The following ABCA13 variants were observed in gnomAD, a reference collection of about 807,000 sequenced individuals.
ABCA13 encodes ATP-binding cassette sub-family A member 13.
A neutral mutation model predicts 478.7 loss-of-function variants in ABCA13; 476 were observed. That is an observed-to-expected ratio of 0.99 (90% CI 0.92 to 1.07). The LOEUF is 1.07. Ranked by LOEUF, ABCA13 falls within the 50% of genes least tolerant of loss-of-function variation. The probability of loss-of-function intolerance (pLI) is 0.00; values close to 1 mark genes in which losing one functional copy is unlikely to be tolerated. For missense variants in ABCA13, 6,060 were observed against 5,910.6 expected, an observed-to-expected ratio of 1.03 and a Z score of -0.83; for synonymous variants, 2,252 against 2,158.9, an observed-to-expected ratio of 1.04 and a Z score of -1.20.
chr7:48,234,301 A>T, intron 8 of ABCA13, 150 bp downstream of exon 8: 1 of 954,992 alleles, frequency 1.0e-6, no homozygotes, highest in East Asian at 2.4e-5. Context: ...CGCAGAAGAG[A>T]CCCCTACTGT....
At chr7:48,215,413 A>C (rs1483149050) in intron 3 of ABCA13, among the ~76,000 whole-genome samples, 2 of 152,184 alleles carry the variant, frequency 1.3e-5, no homozygotes, top group Admixed American at 6.6e-5. Flanking sequence ...AAGATCACTG[A>C]TTACAGAACA....
intron 57 of ABCA13, among the ~76,000 whole-genome samples, chr7:48,589,826 AG>A (rs1789545953): frequency 6.6e-6 from 1 of 152,198 alleles, no homozygotes; most frequent in African/African-American, 2.4e-5. Context: ...TGTCATCACA[AG>A]GCAAAAGTCA....
chr7:48,466,705 A>T (rs2130160143), intron 43 of ABCA13, among the ~76,000 whole-genome samples: 1 of 152,338 alleles, frequency 6.6e-6, no homozygotes, highest in East Asian at 1.9e-4. Context: ...AAAATAATGT[A>T]CTGTGAATGT....
chr7:48,373,416 T>C (rs1315793525), intron 33 of ABCA13, among the ~76,000 whole-genome samples: 1 of 152,208 alleles, frequency 6.6e-6, no homozygotes, highest in East Asian at 1.9e-4. Context: ...AAGTGATTTG[T>C]CTTCAACTTC....
At chr7:48,202,064 C>T (rs998216725) in intron 3 of ABCA13, among the ~76,000 whole-genome samples, 2 of 152,142 alleles carry the variant, frequency 1.3e-5, no homozygotes, top group African/African-American at 2.4e-5. Flanking sequence ...CAGACCTTTG[C>T]GGTGACTGTT....
rs138854418 is a variant in ABCA13 at position 48,603,641 on chromosome 7, T to C, written c.14744+8828T>C. 1,127 of 171,630 alleles carry C rather than the reference T, an allele frequency of 6.6e-3. 15 individuals carry two copies. The highest frequency in any genetic ancestry group is 0.025 in the African/African-American group (1,046 of 41,858). 10.6% of individuals were successfully genotyped at this position (171,630 alleles called of 1,614,324 possible). ...CTGGATTCAGTTTGTCAGTATTTTA[T>C]TGAGGATTTTCGCATCAATGTTTAT... is the stretch of plus-strand genomic sequence containing the variant. On this transcript the variant is annotated intron_variant, in intron 58 of 61. Transcript: ENST00000435803.
intron 58 of ABCA13, among the ~76,000 whole-genome samples, chr7:48,595,465 T>C (rs1014923634): frequency 6.6e-6 from 1 of 152,232 alleles, no homozygotes; most frequent in Non-Finnish European, 1.5e-5. Context: ...TAAAATATAC[T>C]GTGAATAAGA....
intron 19 of ABCA13, 70 bp from the exon 20 acceptor site, chr7:48,287,890 A>G: frequency 8.5e-7 from 1 of 1,181,700 alleles, no homozygotes; most frequent in Non-Finnish European, 1.2e-6. Context: ...TTAAAAAGTG[A>G]TTTTGTGAGA....
At chr7:48,239,134 G>A in intron 8 of ABCA13, 107 bp from the exon 9 acceptor site, 1 of 1,170,674 alleles carries the variant, frequency 8.5e-7, no homozygotes. Context: ...CTTCAATCAA[G>A]CAAATGTAAG....
At chr7:48,534,477 A>C (rs1430478784) in intron 55 of ABCA13, among the ~76,000 whole-genome samples, 2 of 152,124 alleles carry the variant, frequency 1.3e-5, no homozygotes, top group African/African-American at 4.8e-5. Flanking sequence ...AGGGTTCCTT[A>C]AAACGTAGGT....
At position 48,273,429 on chromosome 7, in the gene ABCA13, A is replaced by G; in HGVS notation, c.3763A>G (p.Lys1255Glu). 1 of 1,613,296 alleles carries G rather than the reference A, an allele frequency of 6.2e-7. No homozygotes were observed. The highest frequency in any genetic ancestry group is 8.5e-7 in the Non-Finnish European group (1 of 1,179,594). Residue 1255 changes from lysine (K) to glutamate (E), a missense_variant, in exon 17 of 62, where the codon AAA becomes GAA. By Grantham distance (56) the Lys-to-Glu change is moderately conservative. Coordinates refer to ENST00000435803, the MANE Select transcript of ABCA13 (RefSeq NM_152701.5). ...VKKLNLEQVEKSLFTMEAALH... is the reference protein window; with the variant it reads ...VKKLNLEQVEESLFTMEAALH... ...AAAACTTAACTTGGAGCAAGTGGAG[A>G]AATCCCTTTTCACCATGGAAGCTGC...
chr7:48,590,650 A>G (rs1789637808), intron 57 of ABCA13, among the ~76,000 whole-genome samples: 1 of 152,086 alleles, frequency 6.6e-6, no homozygotes, highest in Admixed American at 6.5e-5. Context: ...ATTGCTGGTT[A>G]TCTTCTGTCC....
At chr7:48,455,831 A>G (rs1825608793) in intron 43 of ABCA13, among the ~76,000 whole-genome samples, 1 of 152,184 alleles carries the variant, frequency 6.6e-6, no homozygotes, top group African/African-American at 2.4e-5. Context: ...CGTTCAGAAG[A>G]GCCTGGGTTT....
At position 48,507,998 on chromosome 7, in the gene ABCA13, A is replaced by T; in HGVS notation, c.13473A>T (p.Ile4491=). 2 of 1,613,882 alleles carry T rather than the reference A, an allele frequency of 1.2e-6. No homozygotes were observed. The highest frequency in any genetic ancestry group is 8.5e-7 in the Non-Finnish European group (1 of 1,179,842). Residue 4491 remains isoleucine (I), a synonymous_variant, in exon 50 of 62, where the codon ATA becomes ATT. Transcript: ENST00000435803. ...RVIGAKRLQH[I]SGLGYRMYWF... is the part of the protein sequence containing the mutation. The stretch of plus-strand genomic sequence containing the variant: ...TTGGAGCCAAAAGGTTGCAGCACAT[A>T]AGTGGCCTTGGCTACAGGATGTACT...
At chr7:48,428,003 G>T in intron 42 of ABCA13, 132 bp downstream of exon 42, 1 of 547,592 alleles carries the variant, frequency 1.8e-6, no homozygotes, top group South Asian at 4.1e-5. Context: ...ATAGTGAGGG[G>T]GCAAGTAAAT....
intron 8 of ABCA13, among the ~76,000 whole-genome samples, chr7:48,235,621 C>A (rs745897987): frequency 4.6e-5 from 7 of 152,178 alleles, no homozygotes; most frequent in Non-Finnish European, 8.8e-5. Flanking sequence ...GGGCTAGAAT[C>A]AAGGTGTCTG....
At chr7:48,479,738 A>T (rs532884256) in intron 45 of ABCA13, among the ~76,000 whole-genome samples, 1 of 152,274 alleles carries the variant, frequency 6.6e-6, no homozygotes, top group Non-Finnish European at 1.5e-5. Context: ...AGTCTTGCTG[A>T]ATTATTATGT....
At chr7:48,284,870 A>G (rs1230544251) in intron 19 of ABCA13, among the ~76,000 whole-genome samples, 2 of 152,212 alleles carry the variant, frequency 1.3e-5, no homozygotes, top group South Asian at 4.1e-4. Flanking sequence ...GGTGGAATTG[A>G]CCAATGTGGG....
intron 58 of ABCA13, among the ~76,000 whole-genome samples, chr7:48,596,517 A>G (rs1790294214): frequency 6.6e-6 from 1 of 152,232 alleles, no homozygotes. Context: ...TTTCAGTTAA[A>G]TTAGCATTTG....
Sources: gnomAD v4.1 joint callset for allele counts (sites outside exome capture counted in the v4.1 genomes callset) on GRCh38, gnomAD v4.1.1 for gene constraint, MANE v1.5 for transcripts, NCBI Gene and HGNC (gene_info 2026-07-23, HGNC 2026-07-21) for gene names.